PHF21B: variants seen among roughly 807,000 people sequenced by gnomAD.
PHF21B encodes the protein PHD finger protein 21B.
PHF21B carries 22 observed loss-of-function variants against 62.2 expected under a neutral mutation model. That is an observed-to-expected ratio of 0.35 (90% CI 0.25 to 0.51). PHF21B has a LOEUF of 0.51. PHF21B is among the 20% of genes least tolerant of loss of function. The pLI is 0.97. For missense variants in PHF21B, 701 were observed against 707.9 expected, an observed-to-expected ratio of 0.99 and a Z score of 0.11; for synonymous variants, 341 against 314.7, an observed-to-expected ratio of 1.08 and a Z score of -0.88.
chr22:44,948,030 CGT>C (rs2072113799), intron 2 of PHF21B, among the ~76,000 whole-genome samples: 1 of 152,114 alleles, frequency 6.6e-6, no homozygotes, highest in Non-Finnish European at 1.5e-5. Flanking sequence ...ACTGCTGTCC[CGT>C]TCGGACGTGA....
At chr22:44,930,710 G>A (rs1194248789) in intron 2 of PHF21B, among the ~76,000 whole-genome samples, 3 of 152,234 alleles carry the variant, frequency 2.0e-5, no homozygotes, top group Middle Eastern at 3.2e-3. Context: ...GGAGCTGAAT[G>A]TGAGTCAGGC....
intron 2 of PHF21B, among the ~76,000 whole-genome samples, chr22:45,007,791 G>T (rs1253023728): frequency 6.6e-6 from 1 of 150,940 alleles, no homozygotes; most frequent in African/African-American, 2.4e-5. Flanking sequence ...CAGGGGGCGG[G>T]GGCGCGCGGC....
At chr22:44,996,902 GCACACATGCATA>G (rs1038214940) in intron 2 of PHF21B, among the ~76,000 whole-genome samples, 2 of 151,830 alleles carry the variant, frequency 1.3e-5, no homozygotes, top group African/African-American at 2.4e-5. Flanking sequence ...ACAAACGTGT[GCACACATGCATA>G]CACACATGCA....
At chr22:44,900,813 T>A (rs998577963) in intron 5 of PHF21B, among the ~76,000 whole-genome samples, 6 of 148,620 alleles carry the variant, frequency 4.0e-5, no homozygotes, top group Non-Finnish European at 7.4e-5. Context: ...CCTGGATGCC[T>A]ATAGGATTCT....
At chr22:44,897,284 T>A (rs1004381042) in intron 5 of PHF21B, among the ~76,000 whole-genome samples, 1 of 152,112 alleles carries the variant, frequency 6.6e-6, no homozygotes, top group African/African-American at 2.4e-5. Context: ...GAATCTAGAA[T>A]GGCCCCCGAG....
chr22:44,916,940 G>C (rs995273562), intron 3 of PHF21B, among the ~76,000 whole-genome samples: 6 of 152,278 alleles, frequency 3.9e-5, no homozygotes, highest in African/African-American at 1.4e-4. Flanking sequence ...CGAGGGGACA[G>C]TCTGTGCAGT....
intron 2 of PHF21B, among the ~76,000 whole-genome samples, chr22:44,937,787 G>A (rs1400686300): frequency 2.0e-5 from 3 of 152,256 alleles, no homozygotes; most frequent in African/African-American, 7.2e-5. Flanking sequence ...TCGATGACAC[G>A]GAGGAGCCTC....
intron 2 of PHF21B, among the ~76,000 whole-genome samples, chr22:44,924,509 C>T (rs551760011): frequency 3.3e-5 from 5 of 152,210 alleles, no homozygotes; most frequent in African/African-American, 9.6e-5. Flanking sequence ...AGGGTGGAGC[C>T]CTCAGTTAGT....
At chr22:44,930,694 T>C (rs759765461) in intron 2 of PHF21B, among the ~76,000 whole-genome samples, 1 of 152,316 alleles carries the variant, frequency 6.6e-6, no homozygotes, top group South Asian at 2.1e-4. Context: ...AATCCATCCA[T>C]GCCCAGGAGC....
At chr22:44,942,245 A>G (rs953430713) in intron 2 of PHF21B, among the ~76,000 whole-genome samples, 30 of 152,194 alleles carry the variant, frequency 2.0e-4, no homozygotes, top group Non-Finnish European at 3.5e-4. Flanking sequence ...GGCCTGGGAC[A>G]CAGATCCAGG....
chr22:44,933,395 G>A (rs933794590), intron 2 of PHF21B: 18 of 925,660 alleles, frequency 1.9e-5, no homozygotes, highest in African/African-American at 7.1e-5. Context: ...ACAGGCGTGA[G>A]CCACTGCGCT....
chr22:45,004,860 A>G (rs891444311), intron 2 of PHF21B, among the ~76,000 whole-genome samples: 1 of 152,246 alleles, frequency 6.6e-6, no homozygotes, highest in Admixed American at 6.5e-5. Context: ...CTCAGAACCC[A>G]GAGTTCATCA....
intron 2 of PHF21B, among the ~76,000 whole-genome samples, chr22:45,004,891 A>G (rs1182782355): frequency 1.3e-5 from 2 of 152,170 alleles, no homozygotes; most frequent in African/African-American, 2.4e-5. Flanking sequence ...CTCTTGGGGT[A>G]GTGCACAAGG....
intron 2 of PHF21B, among the ~76,000 whole-genome samples, chr22:44,931,293 G>T (rs2071736138): frequency 6.6e-6 from 1 of 152,212 alleles, no homozygotes; most frequent in African/African-American, 2.4e-5. Context: ...TGTTTACTGA[G>T]AGCACTGCGG....
At chr22:44,885,106 C>T (rs1301581267) in intron 12 of PHF21B, among the ~76,000 whole-genome samples, 3 of 152,246 alleles carry the variant, frequency 2.0e-5, no homozygotes, top group Non-Finnish European at 4.4e-5. Flanking sequence ...TACTGGCTTG[C>T]TGGGGGATGC....
intron 2 of PHF21B, among the ~76,000 whole-genome samples, chr22:44,945,661 G>A (rs990829170): frequency 6.6e-6 from 1 of 151,254 alleles, no homozygotes; most frequent in African/African-American, 2.4e-5. Flanking sequence ...GGGAACCCCA[G>A]GAACGCCATC....
chr22:44,942,466 G>A (rs1282332430), intron 2 of PHF21B, among the ~76,000 whole-genome samples: 1 of 152,180 alleles, frequency 6.6e-6, no homozygotes. Flanking sequence ...CAGCTCTGTG[G>A]AAAGGTACTA....
At chr22:44,941,031 G>A (rs955328271) in intron 2 of PHF21B, among the ~76,000 whole-genome samples, 6 of 152,162 alleles carry the variant, frequency 3.9e-5, no homozygotes, top group Admixed American at 6.5e-5. Context: ...AGCGGGATTC[G>A]TGAACAGTAA....
chr22:44,905,922 C>A (rs2071241697), intron 5 of PHF21B, among the ~76,000 whole-genome samples: 1 of 152,244 alleles, frequency 6.6e-6, no homozygotes, highest in Admixed American at 6.5e-5. Flanking sequence ...TTTTTCTCTC[C>A]CTCACGCTTA....
Sources: allele counts gnomAD v4.1 joint callset (sites outside exome capture counted in the v4.1 genomes callset), GRCh38; gene constraint gnomAD v4.1.1; transcripts MANE v1.5; gene names NCBI Gene and HGNC (gene_info 2026-07-23, HGNC 2026-07-21).